Variants in BEND5 observed in about 807,000 individuals in gnomAD.
BEND5 encodes BEN domain-containing protein 5.
BEND5 carries 22 observed loss-of-function variants against 43.9 expected under a neutral mutation model. That is an observed-to-expected ratio of 0.50 (90% CI 0.36 to 0.72). The LOEUF (loss-of-function observed/expected upper bound fraction) is 0.72. BEND5 is among the 30% of genes least tolerant of loss of function. The pLI is 0.00. For synonymous variants in BEND5, 228 were observed against 225.9 expected (o/e 1.01, Z -0.08); for missense variants, 428 against 550.6 (o/e 0.78, Z 2.23).
At chr1:48,771,711 C>T (rs183497214) in intron 1 of BEND5, among the ~76,000 whole-genome samples, 4 of 152,280 alleles carry the variant, frequency 2.6e-5, no homozygotes, top group East Asian at 3.9e-4. Flanking sequence ...CATATGAAAT[C>T]GGCTAGTCCT....
chr1:48,746,717 G>A (rs140055419), intron 3 of BEND5, among the ~76,000 whole-genome samples: 27 of 152,254 alleles, frequency 1.8e-4, no homozygotes, highest in African/African-American at 6.5e-4. Flanking sequence ...TTGAAGTCAG[G>A]TCATCTTACC....
intron 3 of BEND5, among the ~76,000 whole-genome samples, chr1:48,756,031 AG>A (rs2148647553): frequency 6.6e-6 from 1 of 152,322 alleles, no homozygotes; most frequent in African/African-American, 2.4e-5. Flanking sequence ...ACCCTGTCTT[AG>A]CTCCTCCATT....
intron 3 of BEND5, among the ~76,000 whole-genome samples, chr1:48,753,968 C>T (rs141502285): frequency 3.5e-4 from 54 of 152,320 alleles, no homozygotes; most frequent in African/African-American, 1.3e-3. Flanking sequence ...TGGTGTCACA[C>T]TGCGTACATA....
intron 1 of BEND5, among the ~76,000 whole-genome samples, chr1:48,768,455 T>G (rs923644875): frequency 6.6e-6 from 1 of 152,164 alleles, no homozygotes; most frequent in African/African-American, 2.4e-5. Context: ...GTTATTAATC[T>G]GAGGAGGATA....
intron 1 of BEND5, among the ~76,000 whole-genome samples, chr1:48,771,968 G>C (rs1570618358): frequency 6.6e-6 from 1 of 152,292 alleles, no homozygotes; most frequent in Admixed American, 6.5e-5. Flanking sequence ...CCTACGGCAG[G>C]TTTCTGTTCT....
intron 3 of BEND5, among the ~76,000 whole-genome samples, chr1:48,749,419 T>G (rs201104422): frequency 6.6e-6 from 1 of 152,266 alleles, no homozygotes; most frequent in East Asian, 1.9e-4. Context: ...CTTATGGTGG[T>G]CCTACAAAAT....
At chr1:48,755,383 C>T (rs958154990) in intron 3 of BEND5, among the ~76,000 whole-genome samples, 15 of 152,204 alleles carry the variant, frequency 9.9e-5, no homozygotes, top group African/African-American at 3.1e-4. Flanking sequence ...TGGCCTCCCT[C>T]GTCTCTGAAT....
intron 2 of BEND5, among the ~76,000 whole-genome samples, chr1:48,760,707 TG>T (rs1180228027): frequency 6.6e-6 from 1 of 152,270 alleles, no homozygotes; most frequent in African/African-American, 2.4e-5. Flanking sequence ...AATCAGACCA[TG>T]GTCAATGCAG....
At chr1:48,771,122 T>G (rs1033870243) in intron 1 of BEND5, among the ~76,000 whole-genome samples, 1 of 152,214 alleles carries the variant, frequency 6.6e-6, no homozygotes, top group Non-Finnish European at 1.5e-5. Flanking sequence ...TTCCTGCATT[T>G]CCCTGGAGTA....
chr1:48,761,554 T>G (rs1489848414), intron 1 of BEND5, 84 bp from the exon 2 acceptor site: 17 of 1,377,180 alleles, frequency 1.2e-5, no homozygotes, highest in Non-Finnish European at 1.7e-5. Context: ...CCTCAAATGC[T>G]AGAAAATAAT....
chr1:48,750,739 GC>G (rs1488198157), intron 3 of BEND5, among the ~76,000 whole-genome samples: 3 of 152,242 alleles, frequency 2.0e-5, no homozygotes, highest in African/African-American at 7.2e-5. Flanking sequence ...GCACTGGAAG[GC>G]AGTGAGTGAG....
chr1:48,755,448 A>G (rs1652396595), intron 3 of BEND5, among the ~76,000 whole-genome samples: 1 of 152,224 alleles, frequency 6.6e-6, no homozygotes, highest in Non-Finnish European at 1.5e-5. Flanking sequence ...CTAGGCCCCT[A>G]GCTGAGGTGG....
At chr1:48,762,438 C>T (rs1380471674) in intron 1 of BEND5, among the ~76,000 whole-genome samples, 1 of 152,160 alleles carries the variant, frequency 6.6e-6, no homozygotes, top group African/African-American at 2.4e-5. Context: ...TCTGGACTGT[C>T]CCCTTGTGGT....
chr1:48,765,677 A>G (rs1385280413), intron 1 of BEND5, among the ~76,000 whole-genome samples: 1 of 152,236 alleles, frequency 6.6e-6, no homozygotes, highest in East Asian at 1.9e-4. Context: ...ACTGTCCATC[A>G]ACTTATGAAT....
chr1:48,742,466 G>A (rs1472820007), intron 4 of BEND5, among the ~76,000 whole-genome samples, 157 bp downstream of exon 4: 2 of 152,144 alleles, frequency 1.3e-5, no homozygotes. Flanking sequence ...GCAAAGCTAC[G>A]CTACTGATAG....
chr1:48,752,591 T>G (rs1352541515), intron 3 of BEND5, among the ~76,000 whole-genome samples: 1 of 152,136 alleles, frequency 6.6e-6, no homozygotes, highest in African/African-American at 2.4e-5. Flanking sequence ...GACCGTCACA[T>G]CTGTGTTCTG....
chr1:48,752,381 G>A (rs1651881261), intron 3 of BEND5, among the ~76,000 whole-genome samples: 1 of 152,206 alleles, frequency 6.6e-6, no homozygotes, highest in African/African-American at 2.4e-5. Context: ...GAGAGCTAGA[G>A]ATGGGAAGAT....
At chr1:48,754,592 G>A (rs1652246405) in intron 3 of BEND5, among the ~76,000 whole-genome samples, 1 of 152,160 alleles carries the variant, frequency 6.6e-6, no homozygotes, top group African/African-American at 2.4e-5. Context: ...AAAGGAAAAG[G>A]GGACTGGCAT....
At chr1:48,746,622 A>G (rs1018675202) in intron 3 of BEND5, among the ~76,000 whole-genome samples, 2 of 152,276 alleles carry the variant, frequency 1.3e-5, no homozygotes, top group African/African-American at 4.8e-5. Flanking sequence ...CATTGTCTAC[A>G]GAAGGTCGGC....
Sources: gnomAD v4.1 joint callset for allele counts (sites outside exome capture counted in the v4.1 genomes callset) on GRCh38, gnomAD v4.1.1 for gene constraint, MANE v1.5 for transcripts, NCBI Gene and HGNC (gene_info 2026-07-23, HGNC 2026-07-21) for gene names.